The following GTF3C1 variants were observed in gnomAD, a reference collection of about 807,000 sequenced individuals.
GTF3C1 encodes the protein general transcription factor IIIC subunit 1.
In GTF3C1, 57 loss-of-function variants were observed where a neutral mutation model predicts 226.7. The ratio of observed to expected loss-of-function variants is 0.25; its 90% confidence interval spans 0.20 to 0.31. The LOEUF is 0.31. Among genes scored for constraint, GTF3C1 ranks in the 10% least tolerant of loss-of-function variants. GTF3C1 has a pLI of 1.00. For missense variants in GTF3C1, 2,217 were observed against 2,776.1 expected, an observed-to-expected ratio of 0.80 and a Z score of 4.53; for synonymous variants, 1,090 against 1,084.8, an observed-to-expected ratio of 1.00 and a Z score of -0.09.
At position 27,507,949 on chromosome 16, in the gene GTF3C1, C is replaced by G. The variant is rs1012307894; in HGVS notation, c.1242+591G>C. 6.6e-6 allele frequency among the ~76,000 whole-genome samples: 1 copy of G among 152,256 alleles called. No homozygotes were observed. The highest frequency in any genetic ancestry group is 1.5e-5 in the Non-Finnish European group (1 of 68,040). On this transcript the variant is annotated intron_variant, in intron 8 of 36. Coordinates refer to ENST00000356183, the MANE Select transcript of GTF3C1 (RefSeq NM_001520.4). The surrounding 1 kb of genome is among the most constrained non-coding windows in gnomAD (Gnocchi z 4.9). ...TCTGAAGCACGTGGACAGAGAGTGG[C>G]CAGCCCCAGCTGACTGTCCCCATGT... is the stretch of plus-strand genomic sequence containing the variant.
intron 19 of GTF3C1, among the ~76,000 whole-genome samples, chr16:27,490,210 C>T (rs1285771350): frequency 1.3e-5 from 2 of 152,164 alleles, no homozygotes; most frequent in Non-Finnish European, 1.5e-5. Context: ...AGGCCTGGGC[C>T]CCACCTGGCT....
chr16:27,509,153 A>T (rs16976844), intron 7 of GTF3C1, among the ~76,000 whole-genome samples: 3,018 of 152,186 alleles, frequency 0.02, 65 homozygotes, highest in East Asian at 0.1. Context: ...CTGTCCCATA[A>T]GAGTCGTGCA....
Position 27,460,912 on chromosome 16 carries a change from G to T in GTF3C1, c.*438C>A, listed in dbSNP as rs1459711265. On this transcript the variant is annotated 3_prime_UTR_variant, in exon 37 of 37. Transcript: ENST00000356183. The stretch of plus-strand genomic sequence containing the variant: ...TGCGGAGGGGCCACAGCCCCCATGG[G>T]GGGCCCCTCGCAGCGGGGCACACCG... 6.4e-6 allele frequency: 1 copy of T among 156,182 alleles called. No individual in the cohort carries two copies. The highest frequency in any genetic ancestry group is 1.4e-5 in the Non-Finnish European group (1 of 70,110). 9.7% of individuals were successfully genotyped at this position (156,182 alleles called of 1,614,324 possible).
Position 27,486,230 on chromosome 16 carries a change from T to C in GTF3C1, c.3701-76A>G, listed in dbSNP as rs917887908. The C allele has an allele frequency of 6.4e-6, 5 of 785,506 alleles. No homozygotes were observed. The South Asian group carries it at 8.5e-5, about 13-fold the overall frequency. The allele number at this position is 785,506 out of a possible 1,614,324, so 48.7% of individuals were successfully genotyped here. ...GCTGTCACTCTGCAGAGGGGCAGGT[T>C]CCCTACCCAGCCAGTGAGATGTGAC... On this transcript the variant is annotated intron_variant, in intron 23 of 36. Coordinates refer to ENST00000356183, the MANE Select transcript of GTF3C1 (RefSeq NM_001520.4).
chr16:27,461,356 G>A lies in GTF3C1; in HGVS notation c.6324C>T (p.His2108=), dbSNP rs1328774830. The A allele has an allele frequency of 8.7e-6, 14 of 1,605,722 alleles. No homozygotes were observed. Among genetic ancestry groups the A allele is most frequent in the South Asian group, 2.2e-5 (2 of 90,816 alleles). Reference sequence around the variant, plus strand: ...GGGGACGCCCACAGGGGTCCTAGAGGTGGATCCACTTGTTCCAGTTGACCT... The same window carrying A: ...GGGGACGCCCACAGGGGTCCTAGAGATGGATCCACTTGTTCCAGTTGACCT... ...PHEVNWNKWI[H]L Residue 2108 remains histidine, a synonymous_variant, in exon 37 of 37, where the codon CAC becomes CAT. Coordinates refer to ENST00000356183, the MANE Select transcript of GTF3C1 (RefSeq NM_001520.4). This position sits in a 1 kb window ranked among gnomAD's most constrained non-coding sequence, Gnocchi z 5.3.
In GTF3C1 at chr16:27,465,321, C is replaced by T. The variant is rs748092906; in HGVS notation, c.5294G>A (p.Arg1765Gln). Reference sequence around the variant, plus strand: ...ACCTGCCTTCTCCAAGGCCGAGAACCGTCTGCGCAGCTCCTCCTTGTCAAT... The same window carrying T: ...ACCTGCCTTCTCCAAGGCCGAGAACTGTCTGCGCAGCTCCTCCTTGTCAAT... The part of the protein sequence containing the change: ...FGIDKEELRR[R>Q]FSALEKAGGG... The change falls in exon 33 of 37, where the codon CGG (arginine) becomes CAG (glutamine). Residue 1765 changes from arginine to glutamine, a missense_variant. This residue lies in a region of GTF3C1 where 455 missense variants were observed against 441.9 expected (regional missense o/e 1.03). Transcript: ENST00000356183. The T allele has an allele frequency of 1.2e-5, 20 of 1,614,154 alleles. No homozygotes were observed. The highest frequency in any genetic ancestry group is 1.6e-4 in the Middle Eastern group (1 of 6,062).
chr16:27,490,268 G>T (rs1027212736), intron 19 of GTF3C1, among the ~76,000 whole-genome samples: 18 of 152,242 alleles, frequency 1.2e-4, no homozygotes, highest in African/African-American at 4.3e-4. Context: ...TTTGCTAATG[G>T]AGTTGAGAAA....
intron 14 of GTF3C1, 95 bp from the exon 15 acceptor site, chr16:27,495,587 G>C: frequency 1.7e-6 from 2 of 1,170,982 alleles, no homozygotes; most frequent in East Asian, 5.1e-5. Context: ...CTATGTGCCA[G>C]GGGCCAGAAA....
intron 6 of GTF3C1, 104 bp from the exon 7 acceptor site, chr16:27,512,005 AT>A (rs1490174597): frequency 1.5e-6 from 2 of 1,298,866 alleles, no homozygotes; most frequent in Non-Finnish European, 2.2e-6. Flanking sequence ...AGAGACAGAG[AT>A]CCCCACAAAG....
rs533075745 is a variant in GTF3C1 at position 27,516,241 on chromosome 16, C to T, written c.974-4340G>A. Among the ~76,000 whole-genome samples the T allele has an allele frequency of 7.2e-5, 11 of 152,336 alleles. No homozygotes were observed. The South Asian group carries it at 2.3e-3, about 32-fold the overall frequency. The stretch of plus-strand genomic sequence containing the variant: ...CCCTGCTCTGGTTCTCAGCATGAGG[C>T]TCAGTTGTTGGCCATGGAGGCTGAG... On this transcript the variant is annotated intron_variant, in intron 6 of 36. Transcript: ENST00000356183.
intron 4 of GTF3C1, among the ~76,000 whole-genome samples, chr16:27,534,246 C>G (rs1393438202): frequency 2.0e-5 from 3 of 152,226 alleles, no homozygotes; most frequent in African/African-American, 7.2e-5. Context: ...ATGATCAATG[C>G]TTCCAAGCTA....
intron 4 of GTF3C1, among the ~76,000 whole-genome samples, chr16:27,534,142 T>C (rs2088963602): frequency 1.3e-5 from 2 of 152,230 alleles, no homozygotes. Flanking sequence ...CCTCACTCAC[T>C]GGGACGCCAC....
Position 27,462,278 on chromosome 16 carries a change from C to T in GTF3C1, c.6117+16G>A, listed in dbSNP as rs1196852220. 1 of 1,541,638 alleles carries T rather than the reference C, an allele frequency of 6.5e-7. No homozygotes were observed. Among genetic ancestry groups the T allele is most frequent in the Admixed American group, 2.0e-5 (1 of 50,948 alleles). On this transcript the variant is annotated intron_variant, in intron 36 of 36. Transcript: ENST00000356183. This position sits in a 1 kb window ranked among gnomAD's most constrained non-coding sequence, Gnocchi z 4.5. ...AGCCGCCTCCACACCCTGCTGAACC[C>T]AGGAAGGCCCCACACCTGGAGCAAC...
chr16:27,494,774 C>T lies in GTF3C1; in HGVS notation c.2767G>A (p.Val923Ile). Residue 923 changes from valine to isoleucine, a missense_variant, in exon 16 of 37, where the codon GTC becomes ATC. Physicochemically the swap from Val to Ile is conservative, Grantham distance 29. Transcript: ENST00000356183. ...PLSIFIQIVQ[V>I]SYKVDNLEEF... ...CCTGTCACCAATACCTTGTAGCTGACTTGCACAATCTGGATGAAGATGGAG... is the reference window on the plus strand; with the variant it reads ...CCTGTCACCAATACCTTGTAGCTGATTTGCACAATCTGGATGAAGATGGAG... 1.2e-6 allele frequency: 2 copies of T among 1,612,830 alleles called. No homozygotes were observed. The highest frequency in any genetic ancestry group is 1.7e-6 in the Non-Finnish European group (2 of 1,178,868).
chr16:27,482,237 C>G (rs2088062591), intron 26 of GTF3C1, among the ~76,000 whole-genome samples: 1 of 152,174 alleles, frequency 6.6e-6, no homozygotes, highest in South Asian at 2.1e-4. Context: ...GGAAAGCTGA[C>G]CACTGCTCCT....
intron 29 of GTF3C1, among the ~76,000 whole-genome samples, chr16:27,473,600 CAGAGG>C (rs1412107932): frequency 6.6e-6 from 1 of 152,226 alleles, no homozygotes; most frequent in East Asian, 1.9e-4. Flanking sequence ...AGGGGTGGGT[CAGAGG>C]AGAGAAGAGC....
At chr16:27,549,630 C>T in intron 1 of GTF3C1, 40 bp downstream of exon 1, 1 of 703,144 alleles carries the variant, frequency 1.4e-6, no homozygotes, top group East Asian at 3.0e-5. Flanking sequence ...CCGGGCCCTG[C>T]GCCCGCCCGC....
chr16:27,483,022 C>T (rs2088079668), intron 26 of GTF3C1, 22 bp downstream of exon 26: 1 of 1,606,166 alleles, frequency 6.2e-7, no homozygotes, highest in Non-Finnish European at 8.5e-7. Flanking sequence ...CATACCAAGC[C>T]CTACACTCAC....
intron 6 of GTF3C1, among the ~76,000 whole-genome samples, chr16:27,520,201 A>AC (rs1002268223): frequency 2.6e-5 from 4 of 152,018 alleles, no homozygotes; most frequent in African/African-American, 9.7e-5. Flanking sequence ...TGCAACCTCC[A>AC]CCTCCTGGGT....
Sources: allele counts gnomAD v4.1 joint callset (sites outside exome capture counted in the v4.1 genomes callset), GRCh38; gene constraint gnomAD v4.1.1; regional missense constraint gnomAD v4.1.1; non-coding constraint Gnocchi (gnomAD v3.1); transcripts MANE v1.5; gene names NCBI Gene and HGNC (gene_info 2026-07-23, HGNC 2026-07-21).